The following WNT5B variants were observed in gnomAD, a reference collection of about 807,000 sequenced individuals.
The protein encoded by WNT5B is protein Wnt-5b.
WNT5B carries 18 observed loss-of-function variants against 36.5 expected under a neutral mutation model. The ratio of observed to expected loss-of-function variants is 0.49; its 90% CI spans 0.34 to 0.73. The LOEUF is 0.73. Ranked by LOEUF, WNT5B falls within the 30% of genes least tolerant of loss-of-function variation. The probability of loss-of-function intolerance (pLI) is 0.01; values close to 1 mark genes in which losing one functional copy is unlikely to be tolerated. For synonymous variants in WNT5B, 213 were observed against 212.3 expected (o/e 1.00, Z -0.03); for missense variants, 424 against 508.4 (o/e 0.83, Z 1.60).
chr12:1,622,031 G>A (rs1015766723), intron 1 of WNT5B, among the ~76,000 whole-genome samples: 1 of 151,318 alleles, frequency 6.6e-6, no homozygotes, highest in Non-Finnish European at 1.5e-5. Flanking sequence ...CCTGTTAAAA[G>A]CCCTCATATT....
At chr12:1,638,409 A>T (rs2094566377) in intron 3 of WNT5B, among the ~76,000 whole-genome samples, 1 of 152,178 alleles carries the variant, frequency 6.6e-6, no homozygotes, top group African/African-American at 2.4e-5. Context: ...AGACTGCCAG[A>T]CTGTTTTCCA....
chr12:1,637,504 C>A (rs1354158962), intron 3 of WNT5B, among the ~76,000 whole-genome samples: 1 of 150,062 alleles, frequency 6.7e-6, no homozygotes, highest in South Asian at 2.1e-4. Context: ...TTGGGAGGCC[C>A]AGGCGGGCGG....
chr12:1,620,041 T>C (rs975924531), intron 1 of WNT5B, among the ~76,000 whole-genome samples: 8 of 152,258 alleles, frequency 5.3e-5, no homozygotes, highest in African/African-American at 1.9e-4. Context: ...ATGACTTTTT[T>C]ATTTTTAAAT....
At position 1,632,573 on chromosome 12, in the gene WNT5B, T is replaced by C. The variant is rs2094552862; in HGVS notation, c.81-85T>C. 2 of 1,505,426 alleles carry C rather than the reference T, an allele frequency of 1.3e-6. No homozygotes were observed. The highest frequency in any genetic ancestry group is 1.4e-5 in the African/African-American group (1 of 71,820). The allele number at this position is 1,505,426 out of a possible 1,614,324, so 93.3% of individuals were successfully genotyped here. On this transcript the variant is annotated intron_variant, in intron 2 of 4. Transcript: ENST00000397196. This position sits in a 1 kb window ranked among gnomAD's most constrained non-coding sequence, Gnocchi z 5.8. ...TGTACACAGGGACGCATTCAATAAA[T>C]GTGTTGAATGAATGACTTAATGCTG... is the stretch of plus-strand genomic sequence containing the variant.
rs969701464 is a variant in WNT5B at position 1,633,318 on chromosome 12, T to C, written c.328+413T>C. Among the ~76,000 whole-genome samples, 1 of 152,228 alleles carries C rather than the reference T, an allele frequency of 6.6e-6. No homozygotes were observed. Among genetic ancestry groups the C allele is most frequent in the Admixed American group, 6.5e-5 (1 of 15,278 alleles). ...ACCAGAAATTGCAGCCCTGAATGTC[T>C]GTTGGATTTTTGCCTCTTCCACTTC... On this transcript the variant is annotated intron_variant, in intron 3 of 4. Transcript: ENST00000397196. This position sits in a 1 kb window ranked among gnomAD's most constrained non-coding sequence, Gnocchi z 4.8.
rs1325379251 is a variant in WNT5B, at chr12:1,631,301, A to T, written c.-54A>T. The T allele has an allele frequency of 1.9e-6, 3 of 1,607,932 alleles. No homozygotes were observed. The highest frequency in any genetic ancestry group is 4.5e-5 in the East Asian group (2 of 44,698). ...TCTCCATTTCTGTTTTCTCCAGGGA[A>T]CCCTACTCTGGAAACTGTCAGTCCC... On this transcript the variant is annotated 5_prime_UTR_variant, in exon 2 of 5. Transcript: ENST00000397196.
chr12:1,641,819 A>G (rs775072280), intron 4 of WNT5B, among the ~76,000 whole-genome samples: 3 of 152,232 alleles, frequency 2.0e-5, no homozygotes, highest in Admixed American at 2.0e-4. Context: ...AAGAAAAAAG[A>G]AAAGAAAAAA....
intron 4 of WNT5B, among the ~76,000 whole-genome samples, chr12:1,643,514 T>C (rs1354237309): frequency 6.6e-6 from 1 of 152,090 alleles, no homozygotes; most frequent in Non-Finnish European, 1.5e-5. Context: ...TACAAGCATG[T>C]GCCACCACGC....
At position 1,632,915 on chromosome 12, in the gene WNT5B, C is replaced by A; in HGVS notation, c.328+10C>A. 6.3e-7 allele frequency: 1 copy of A among 1,599,616 alleles called. No individual in the cohort carries two copies. The highest frequency in any genetic ancestry group is 8.6e-7 in the Non-Finnish European group (1 of 1,169,050). ...AGAGTCATGCAGATAGGTAAGAGGC[C>A]ATTACAAGAGGGCTCGGCCAAGGAA... On this transcript the variant is annotated intron_variant, in intron 3 of 4. Transcript: ENST00000397196. This position sits in a 1 kb window ranked among gnomAD's most constrained non-coding sequence, Gnocchi z 5.8.
rs1457607227 is a variant in WNT5B at position 1,646,819 on chromosome 12, C to T, written c.*567C>T. On this transcript the variant is annotated 3_prime_UTR_variant, in exon 5 of 5. Coordinates refer to ENST00000397196, the MANE Select transcript of WNT5B (RefSeq NM_032642.3). ...GGCTCCTTCCCTAAAATGAGAAGTC[C>T]AAGGTCATCTCTGGCCCAGTGACCA... The T allele has an allele frequency of 2.0e-5, 3 of 152,240 alleles. No homozygotes were observed. Among genetic ancestry groups the T allele is most frequent in the Non-Finnish European group, 2.9e-5 (2 of 68,096 alleles). The allele number at this position is 152,240 out of a possible 1,614,324, so 9.4% of individuals were successfully genotyped here. A position where few individuals can be genotyped will look rare whatever the true frequency, so the allele number is the denominator to read the frequency against.
chr12:1,624,115 C>T (rs12827111), intron 1 of WNT5B, among the ~76,000 whole-genome samples: 66,459 of 151,920 alleles, frequency 0.44, 15,176 homozygotes, highest in Non-Finnish European at 0.51. Flanking sequence ...GGCTGGGTAC[C>T]GCGGCTCACG....
In WNT5B at chr12:1,646,085, A is replaced by G; in HGVS notation, c.913A>G (p.Asn305Asp). ...CCTGGGCACGCAGGGCCGCCTCTGC[A>G]ACAAGACCTCGGAGGGCATGGATGG... ...GSLGTQGRLC[N>D]KTSEGMDGCE... The change falls in exon 5 of 5, where the codon AAC becomes GAC. Residue 305 changes from asparagine (N) to aspartate (D), a missense_variant. Transcript: ENST00000397196. The G allele has an allele frequency of 6.2e-7, 1 of 1,613,992 alleles. No homozygotes were observed. Among genetic ancestry groups the G allele is most frequent in the African/African-American group, 1.3e-5 (1 of 75,074 alleles).
chr12:1,644,644 G>A lies in WNT5B; in HGVS notation c.622-1150G>A, dbSNP rs2094581914. 6.6e-6 allele frequency among the ~76,000 whole-genome samples: 1 copy of A among 152,162 alleles called. No individual in the cohort carries two copies. The highest frequency in any genetic ancestry group is 1.5e-5 in the Non-Finnish European group (1 of 68,030). On this transcript the variant is annotated intron_variant, in intron 4 of 4. Transcript: ENST00000397196. The surrounding 1 kb of genome is among the most constrained non-coding windows in gnomAD (Gnocchi z 5.1). Reference sequence around the variant, plus strand: ...AGTCCTGACTCAGTTGGTGACAATAGCCATGCATAAGAAAATGCTCTGCAG... The same window carrying A: ...AGTCCTGACTCAGTTGGTGACAATAACCATGCATAAGAAAATGCTCTGCAG...
At chr12:1,626,418 CGT>C, upstream of WNT5B, among the ~76,000 whole-genome samples, 1 of 151,856 alleles carries the variant, frequency 6.6e-6, no homozygotes, top group South Asian at 2.1e-4. Flanking sequence ...TATGTGCCAC[CGT>C]GCCTGGCTAA....
intron 1 of WNT5B, among the ~76,000 whole-genome samples, chr12:1,620,449 T>C (rs2154439231): frequency 6.6e-6 from 1 of 152,366 alleles, no homozygotes. Flanking sequence ...TTTGTTGTAA[T>C]ATATCACAGT....
chr12:1,629,018 C>T (rs2094545153), upstream of WNT5B, among the ~76,000 whole-genome samples: 1 of 151,628 alleles, frequency 6.6e-6, no homozygotes, highest in Non-Finnish European at 1.5e-5. Flanking sequence ...AGCCACTGCA[C>T]ATGTTAGAGC....
At chr12:1,642,563 C>T (rs1223510683) in intron 4 of WNT5B, among the ~76,000 whole-genome samples, 7 of 152,286 alleles carry the variant, frequency 4.6e-5, no homozygotes, top group Admixed American at 4.6e-4. Flanking sequence ...AGAGGAGTTC[C>T]GTGTTGCCTC....
chr12:1,627,073 G>A (rs1383471003), upstream of WNT5B, among the ~76,000 whole-genome samples: 3 of 152,164 alleles, frequency 2.0e-5, no homozygotes, highest in Admixed American at 6.5e-5. This position sits in a 1 kb window ranked among gnomAD's most constrained non-coding sequence, Gnocchi z 5.0. Context: ...AGATGAGCAC[G>A]CCACACTATT....
At position 1,630,747 on chromosome 12, in the gene WNT5B, A is replaced by C. The variant is rs1409590176; in HGVS notation, c.-57-551A>C. On this transcript the variant is annotated intron_variant, in intron 1 of 4. Transcript: ENST00000397196. This position sits in a 1 kb window ranked among gnomAD's most constrained non-coding sequence, Gnocchi z 5.3. ...TGTACGCAGGGGTTGGGACTTAGGA[A>C]ACCCGCTGAGGGTGAGAAGGGCGCA... 1 of 152,490 alleles carries C rather than the reference A, an allele frequency of 6.6e-6. No homozygotes were observed. The highest frequency in any genetic ancestry group is 1.5e-5 in the Non-Finnish European group (1 of 68,318). 9.4% of individuals were successfully genotyped at this position (152,490 alleles called of 1,614,324 possible).
Sources: gnomAD v4.1 joint callset for allele counts (sites outside exome capture counted in the v4.1 genomes callset) on GRCh38, gnomAD v4.1.1 for gene constraint, Gnocchi (gnomAD v3.1) non-coding constraint, MANE v1.5 for transcripts, NCBI Gene and HGNC (gene_info 2026-07-23, HGNC 2026-07-21) for gene names.